The following ALCAM variants were observed in gnomAD, a reference collection of about 807,000 sequenced individuals.
ALCAM encodes the protein activated leukocyte cell adhesion molecule, also known as CD166 antigen.
A neutral mutation model predicts 70.9 loss-of-function variants in ALCAM; 30 were observed. That is an observed-to-expected ratio of 0.42 (90% CI 0.32 to 0.57). The LOEUF (loss-of-function observed/expected upper bound fraction) is 0.57. Ranked by LOEUF, ALCAM falls within the 20% of genes least tolerant of loss-of-function variation. The pLI, the probability that ALCAM is intolerant of heterozygous loss-of-function variation, is 0.11. For synonymous variants in ALCAM, 249 were observed against 242.5 expected, an observed-to-expected ratio of 1.03 and a Z score of -0.25; for missense variants, 591 against 695.1, an observed-to-expected ratio of 0.85 and a Z score of 1.68.
Position 105,428,894 on chromosome 3 carries a change from C to G in ALCAM, c.73+61413C>G, listed in dbSNP as rs115379992. Among the ~76,000 whole-genome samples, 471 of 151,986 alleles carry G rather than the reference C, an allele frequency of 3.1e-3. 4 individuals are homozygous for G. The highest frequency in any genetic ancestry group is 0.011 in the African/African-American group (450 of 41,490). On this transcript the variant is annotated intron_variant, in intron 1 of 15. Transcript: ENST00000306107. ...AAAAATGAATCCTTAATCTTTATGC[C>G]TTAGTATCTTACAATTCTCCATTAA...
At chr3:105,551,755 G>A (rs1252238815) in intron 12 of ALCAM, among the ~76,000 whole-genome samples, 3 of 151,220 alleles carry the variant, frequency 2.0e-5, no homozygotes, top group Admixed American at 2.0e-4. Context: ...CTCCTATATC[G>A]GGCAGGAAAG....
intron 1 of ALCAM, among the ~76,000 whole-genome samples, chr3:105,455,457 A>G (rs1001441758): frequency 2.1e-4 from 30 of 146,006 alleles, no homozygotes; most frequent in Admixed American, 4.0e-4. Context: ...AAAAAAAAAA[A>G]AGAGAAAAGA....
At chr3:105,569,135 C>G (rs561725385) in intron 14 of ALCAM, among the ~76,000 whole-genome samples, 3 of 151,782 alleles carry the variant, frequency 2.0e-5, no homozygotes, top group African/African-American at 7.2e-5. Context: ...GTATCACTCT[C>G]TAGTTGCTCC....
At chr3:105,389,859 A>G (rs932068454) in intron 1 of ALCAM, among the ~76,000 whole-genome samples, 1 of 150,802 alleles carries the variant, frequency 6.6e-6, no homozygotes. Context: ...TTCCTGCATT[A>G]CTTTCCTAAG....
At chr3:105,368,423 C>T (rs1348941513) in intron 1 of ALCAM, among the ~76,000 whole-genome samples, 1 of 152,008 alleles carries the variant, frequency 6.6e-6, no homozygotes, top group Non-Finnish European at 1.5e-5. Context: ...GACAGAGCAG[C>T]AGGTTCCTTT....
At chr3:105,574,338 T>G (rs1318178022) in intron 15 of ALCAM, 139 bp from the exon 16 acceptor site, 5 of 152,160 alleles carry the variant, frequency 3.3e-5, no homozygotes, top group African/African-American at 7.2e-5. Context: ...AGATTATAGA[T>G]GGGCTTGGGG....
chr3:105,540,150 T>C, intron 7 of ALCAM, 48 bp downstream of exon 7: 1 of 1,571,070 alleles, frequency 6.4e-7, no homozygotes, highest in Non-Finnish European at 8.7e-7. Flanking sequence ...ATTTTTCCTG[T>C]TGTTTGACTT....
chr3:105,423,504 A>G (rs1373592749), intron 1 of ALCAM, among the ~76,000 whole-genome samples: 1 of 150,738 alleles, frequency 6.6e-6, no homozygotes, highest in Non-Finnish European at 1.5e-5. Context: ...CAGGGAAAAA[A>G]AAAAAAAAGA....
chr3:105,442,157 G>C (rs758794059), intron 1 of ALCAM, among the ~76,000 whole-genome samples: 1 of 152,158 alleles, frequency 6.6e-6, no homozygotes, highest in Non-Finnish European at 1.5e-5. Context: ...ATATTATTAA[G>C]TGGAGATTAT....
At chr3:105,547,116 C>A in intron 9 of ALCAM, 33 bp from the exon 10 acceptor site, 2 of 1,490,148 alleles carry the variant, frequency 1.3e-6, no homozygotes, top group Non-Finnish European at 1.8e-6. Flanking sequence ...TTTAATTCTG[C>A]CACATGAGGT....
At chr3:105,533,394 A>G (rs570204103) in intron 4 of ALCAM, among the ~76,000 whole-genome samples, 14 of 152,166 alleles carry the variant, frequency 9.2e-5, no homozygotes, top group Non-Finnish European at 1.8e-4. Flanking sequence ...AAAATCGTCA[A>G]AAGTATATTT....
At chr3:105,532,879 T>C (rs1559824397) in intron 4 of ALCAM, among the ~76,000 whole-genome samples, 1 of 152,178 alleles carries the variant, frequency 6.6e-6, no homozygotes, top group African/African-American at 2.4e-5. Context: ...TGGCAAATTA[T>C]GCTACTGAAA....
intron 1 of ALCAM, among the ~76,000 whole-genome samples, chr3:105,428,064 T>C (rs1034917021): frequency 3.3e-5 from 5 of 152,022 alleles, no homozygotes; most frequent in African/African-American, 1.2e-4. Flanking sequence ...AATCACGAAA[T>C]ATCTGAACTA....
At chr3:105,425,435 G>A (rs2107424896) in intron 1 of ALCAM, among the ~76,000 whole-genome samples, 1 of 151,830 alleles carries the variant, frequency 6.6e-6, no homozygotes, top group Non-Finnish European at 1.5e-5. Context: ...GATGTCTTAT[G>A]CTTTTTGCCT....
chr3:105,500,697 G>A (rs992350849), intron 1 of ALCAM, among the ~76,000 whole-genome samples: 4 of 152,180 alleles, frequency 2.6e-5, no homozygotes, highest in East Asian at 1.9e-4. Context: ...TCCTTAACTT[G>A]GTTCTATCTT....
intron 14 of ALCAM, among the ~76,000 whole-genome samples, chr3:105,553,869 G>A (rs1359185994): frequency 6.6e-6 from 1 of 151,896 alleles, no homozygotes; most frequent in African/African-American, 2.4e-5. Flanking sequence ...TAGAATCTTT[G>A]TGTTGAAGGA....
intron 1 of ALCAM, among the ~76,000 whole-genome samples, chr3:105,423,455 T>G (rs1936717412): frequency 6.7e-6 from 1 of 149,388 alleles, no homozygotes; most frequent in Non-Finnish European, 1.5e-5. Flanking sequence ...TAATAGTTAA[T>G]CATAGCTACT....
chr3:105,462,377 C>T (rs1937615647), intron 1 of ALCAM, among the ~76,000 whole-genome samples: 2 of 151,142 alleles, frequency 1.3e-5, no homozygotes, highest in Admixed American at 1.3e-4. Context: ...TGTGTGCCAC[C>T]CCAAATCTTT....
chr3:105,417,782 T>C (rs1340491903), intron 1 of ALCAM, among the ~76,000 whole-genome samples: 1 of 151,862 alleles, frequency 6.6e-6, no homozygotes, highest in African/African-American at 2.4e-5. Flanking sequence ...TAACATTGAA[T>C]AGTGTAAAGC....
Sources: gnomAD v4.1 joint callset for allele counts (sites outside exome capture counted in the v4.1 genomes callset) on GRCh38, gnomAD v4.1.1 for gene constraint, MANE v1.5 for transcripts, NCBI Gene and HGNC (gene_info 2026-07-23, HGNC 2026-07-21) for gene names.